ITGA2: variants seen among roughly 807,000 people sequenced by gnomAD.
The protein encoded by ITGA2 is integrin subunit alpha 2.
ITGA2 carries 101 observed loss-of-function variants against 146.3 expected under a neutral mutation model. The ratio of observed to expected loss-of-function variants is 0.69; its 90% CI spans 0.59 to 0.81. ITGA2 has a LOEUF of 0.81. ITGA2 is among the 40% of genes least tolerant of loss of function. The pLI is 0.00. For synonymous variants in ITGA2, 477 were observed against 487.1 expected (o/e 0.98, Z 0.27); for missense variants, 1,281 against 1,402.7 (o/e 0.91, Z 1.39).
Position 53,091,671 on chromosome 5 carries a change from G to C in ITGA2, c.*1072G>C, listed in dbSNP as rs1740427831. Reference sequence around the variant, plus strand: ...TTCCCACTCCTTCAGGACAGCTGCTGTGCATTAGATATTAGGGGGGAAAGT... The same window carrying C: ...TTCCCACTCCTTCAGGACAGCTGCTCTGCATTAGATATTAGGGGGGAAAGT... On this transcript the variant is annotated 3_prime_UTR_variant, in exon 30 of 30. Coordinates refer to ENST00000296585, the MANE Select transcript of ITGA2 (RefSeq NM_002203.4). 1.3e-5 allele frequency: 2 copies of C among 152,194 alleles called. No homozygotes were observed. The highest frequency in any genetic ancestry group is 4.8e-5 in the African/African-American group (2 of 41,398). The allele number at this position is 152,194 out of a possible 1,614,324, so 9.4% of individuals were successfully genotyped here.
At chr5:53,049,338 A>G (rs1201579088) in intron 6 of ITGA2, among the ~76,000 whole-genome samples, 1 of 152,072 alleles carries the variant, frequency 6.6e-6, no homozygotes, top group Non-Finnish European at 1.5e-5. Flanking sequence ...ATCTTCCTTT[A>G]GTTTCCTGTC....
chr5:53,003,989 G>T (rs1276859986), intron 1 of ITGA2, among the ~76,000 whole-genome samples: 1 of 152,014 alleles, frequency 6.6e-6, no homozygotes, highest in East Asian at 1.9e-4. Context: ...GGATATTATT[G>T]ACAATTGGGG....
intron 27 of ITGA2, among the ~76,000 whole-genome samples, chr5:53,084,698 G>A (rs904496381): frequency 1.3e-5 from 2 of 152,172 alleles, no homozygotes; most frequent in South Asian, 4.1e-4. Flanking sequence ...CCCAGCTGCT[G>A]CAGTGTGGTG....
chr5:52,991,260 T>C (rs1405623242), intron 1 of ITGA2, among the ~76,000 whole-genome samples: 1 of 152,140 alleles, frequency 6.6e-6, no homozygotes, highest in African/African-American at 2.4e-5. Flanking sequence ...AGCTCTCTCA[T>C]TTGTGATATC....
chr5:53,016,383 C>T (rs1005675723), intron 1 of ITGA2, among the ~76,000 whole-genome samples: 1 of 152,138 alleles, frequency 6.6e-6, no homozygotes, highest in Non-Finnish European at 1.5e-5. Context: ...GTTGGAATTG[C>T]TTTTGCTTAA....
At position 53,062,907 on chromosome 5, in the gene ITGA2, T is replaced by G; in HGVS notation, c.1580T>G (p.Val527Gly). 2 of 1,610,304 alleles carry G rather than the reference T, an allele frequency of 1.2e-6. No individual in the cohort carries two copies. Among genetic ancestry groups the G allele is most frequent in the South Asian group, 2.2e-5 (2 of 90,934 alleles). The change falls in exon 13 of 30, where the codon GTC (valine) becomes GGC (glycine). Residue 527 changes from valine (V) to glycine (G), a missense_variant. Val to Gly is a moderately radical substitution (Grantham distance 109). Around this residue, in one of 3 missense-constraint regions of ITGA2, gnomAD observed 795 missense variants for 841.7 expected, o/e 0.94. Transcript: ENST00000296585. ...GACCTAAAGAAAGAGGAAGGAAGAGTCTACCTGTTTACTATCAAAGAGGTA... is the reference window on the plus strand; with the variant it reads ...GACCTAAAGAAAGAGGAAGGAAGAGGCTACCTGTTTACTATCAAAGAGGTA... ...MSDLKKEEGR[V>G]YLFTIKEGIL...
At chr5:53,085,915 T>A (rs1016967280) in intron 27 of ITGA2, among the ~76,000 whole-genome samples, 5 of 152,046 alleles carry the variant, frequency 3.3e-5, no homozygotes, top group Non-Finnish European at 4.4e-5. Flanking sequence ...AAATAGACTT[T>A]TTTTTTTCCC....
intron 2 of ITGA2, among the ~76,000 whole-genome samples, chr5:53,035,627 ACT>A (rs1172515198): frequency 6.6e-6 from 1 of 151,276 alleles, no homozygotes; most frequent in African/African-American, 2.4e-5. Flanking sequence ...AAATGAAATG[ACT>A]CTTTTTACCT....
chr5:53,046,146 G>A (rs1405286325), intron 4 of ITGA2, among the ~76,000 whole-genome samples: 1 of 143,738 alleles, frequency 7.0e-6, no homozygotes, highest in Non-Finnish European at 1.5e-5. Flanking sequence ...ACTGAGCCGA[G>A]ATCGTGCCAC....
chr5:53,029,552 A>G (rs933658379), intron 2 of ITGA2, among the ~76,000 whole-genome samples: 11 of 152,184 alleles, frequency 7.2e-5, no homozygotes, highest in African/African-American at 2.4e-4. Flanking sequence ...TTTCTTCCTC[A>G]TAGACCTTTC....
rs3797485 is a variant in ITGA2, at chr5:53,050,208, G to A, written c.631-1203G>A. On this transcript the variant is annotated intron_variant, in intron 6 of 29. Coordinates refer to ENST00000296585, the MANE Select transcript of ITGA2 (RefSeq NM_002203.4). Reference sequence around the variant, plus strand: ...ATAGAATTCACAGTCTTCCTCTTTTGTGTCTTCCTACCACAGTGCATCTGA... The same window carrying A: ...ATAGAATTCACAGTCTTCCTCTTTTATGTCTTCCTACCACAGTGCATCTGA... Among the ~76,000 whole-genome samples the A allele has an allele frequency of 8.5e-5, 13 of 152,100 alleles. No individual in the cohort carries two copies. The East Asian group carries it at 2.5e-3, about 29-fold the overall frequency.
In ITGA2 at chr5:53,056,044, G is replaced by T. The variant is rs1307553465; in HGVS notation, c.991G>T (p.Ala331Ser). ...DTKNLIKEIKAIASIPTERYF... is the reference protein window; with the variant it reads ...DTKNLIKEIKSIASIPTERYF... ...TAAAAATTTAATAAAAGAAATAAAA[G>T]CAATCGCTAGTATTCCAACAGAAAG... The change falls in exon 9 of 30, where the codon GCA becomes TCA. Residue 331 changes from alanine to serine, a missense_variant. By Grantham distance (99) the Ala-to-Ser change is moderately conservative. This residue lies in a region of ITGA2 where 795 missense variants were observed against 841.7 expected (regional missense o/e 0.94). Coordinates refer to ENST00000296585, the MANE Select transcript of ITGA2 (RefSeq NM_002203.4). 1.9e-6 allele frequency: 3 copies of T among 1,609,906 alleles called. No individual in the cohort carries two copies. In the South Asian group the frequency reaches 3.3e-5, roughly 18 times the overall value.
At chr5:53,003,104 T>A (rs915536777) in intron 1 of ITGA2, among the ~76,000 whole-genome samples, 2 of 152,072 alleles carry the variant, frequency 1.3e-5, no homozygotes, top group Non-Finnish European at 2.9e-5. Flanking sequence ...CAGTATAGTG[T>A]CCATCATTTT....
At chr5:53,055,929 CAT>C (rs1406659937) in intron 8 of ITGA2, 53 bp from the exon 9 acceptor site, 2 of 1,515,190 alleles carry the variant, frequency 1.3e-6, no homozygotes, top group African/African-American at 1.4e-5. Context: ...AGAATGTACT[CAT>C]AGGGAAAATG....
chr5:53,021,568 G>A (rs1036897122), intron 1 of ITGA2, among the ~76,000 whole-genome samples: 1 of 152,100 alleles, frequency 6.6e-6, no homozygotes, highest in Non-Finnish European at 1.5e-5. Flanking sequence ...ATTGCACCAC[G>A]GCCCCTGCCC....
At chr5:53,051,150 A>C (rs905217484) in intron 6 of ITGA2, among the ~76,000 whole-genome samples, 1 of 152,146 alleles carries the variant, frequency 6.6e-6, no homozygotes, top group Non-Finnish European at 1.5e-5. Flanking sequence ...AAAACTACAA[A>C]TATTACTCTT....
chr5:53,047,007 TA>T (rs1255910740), intron 4 of ITGA2, among the ~76,000 whole-genome samples: 1 of 152,196 alleles, frequency 6.6e-6, no homozygotes, highest in African/African-American at 2.4e-5. Flanking sequence ...AACCAATAAT[TA>T]GTATCTGTTA....
At chr5:53,023,329 G>A (rs1469487880) in intron 1 of ITGA2, among the ~76,000 whole-genome samples, 1 of 152,138 alleles carries the variant, frequency 6.6e-6, no homozygotes, top group African/African-American at 2.4e-5. Context: ...CCGGTGCCTG[G>A]GATGAACTTT....
At chr5:52,993,261 T>G (rs977667204) in intron 1 of ITGA2, among the ~76,000 whole-genome samples, 1 of 152,210 alleles carries the variant, frequency 6.6e-6, no homozygotes, top group African/African-American at 2.4e-5. Flanking sequence ...AAAGTAACTT[T>G]GCTCCCCTAT....
Sources: gnomAD v4.1 joint callset for allele counts (sites outside exome capture counted in the v4.1 genomes callset) on GRCh38, gnomAD v4.1.1 for gene constraint, gnomAD v4.1.1 regional missense constraint, MANE v1.5 for transcripts, NCBI Gene and HGNC (gene_info 2026-07-23, HGNC 2026-07-21) for gene names.